Variants in RAP1GAP2 observed in about 807,000 individuals in gnomAD.
The protein encoded by RAP1GAP2 is rap1 GTPase-activating protein 2.
In RAP1GAP2, 27 loss-of-function variants were observed where a neutral mutation model predicts 95.0. The ratio of observed to expected loss-of-function variants is 0.28; its 90% CI spans 0.21 to 0.39. The LOEUF (loss-of-function observed/expected upper bound fraction) is 0.39, where lower values mean the gene tolerates loss of function less well. RAP1GAP2 is among the 10% of genes least tolerant of loss of function. The probability of loss-of-function intolerance (pLI) is 1.00; values close to 1 mark genes in which losing one functional copy is unlikely to be tolerated. For synonymous variants in RAP1GAP2, 373 were observed against 380.9 expected, an observed-to-expected ratio of 0.98 and a Z score of 0.24; for missense variants, 771 against 970.0, an observed-to-expected ratio of 0.79 and a Z score of 2.72.
chr17:2,966,930 G>C (rs721666), intron 8 of RAP1GAP2, among the ~76,000 whole-genome samples: 1 of 152,166 alleles, frequency 6.6e-6, no homozygotes, highest in Admixed American at 6.5e-5. Flanking sequence ...TGGAAATGCT[G>C]CTTCGGGGCT....
chr17:2,852,451 G>GCAGGTGAGAGTGTGGGAGCTAGTT (rs2071898745), intron 2 of RAP1GAP2, among the ~76,000 whole-genome samples: 1 of 152,182 alleles, frequency 6.6e-6, no homozygotes, highest in Non-Finnish European at 1.5e-5. Context: ...TCCAGTGCCA[G>GCAGGTGAGAGTGTGGGAGCTAGTT]CAGGAAGCTG....
intron 22 of RAP1GAP2, among the ~76,000 whole-genome samples, chr17:3,028,986 GAC>G: frequency 6.6e-6 from 1 of 152,202 alleles, no homozygotes; most frequent in South Asian, 2.1e-4. Flanking sequence ...TTTTAGTAGA[GAC>G]ACAGTTTCAC....
chr17:2,934,595 A>C (rs2043247959), intron 3 of RAP1GAP2, among the ~76,000 whole-genome samples: 1 of 152,208 alleles, frequency 6.6e-6, no homozygotes, highest in African/African-American at 2.4e-5. Context: ...CCCAAGAAAT[A>C]ATTACTGAGT....
chr17:2,805,754 A>ATGTGTG (rs71377539), intron 2 of RAP1GAP2, among the ~76,000 whole-genome samples: 9,835 of 150,258 alleles, frequency 0.065, 403 homozygotes, highest in Non-Finnish European at 0.098. Flanking sequence ...AGATGCGTGT[A>ATGTGTG]TGTGTGTGTG....
chr17:2,908,520 G>A (rs1458020921), intron 3 of RAP1GAP2, among the ~76,000 whole-genome samples: 1 of 152,076 alleles, frequency 6.6e-6, no homozygotes, highest in Non-Finnish European at 1.5e-5. Context: ...TGACTCGGAG[G>A]GGCCGGTGGG....
chr17:2,896,488 C>G (rs1026962348), intron 2 of RAP1GAP2, among the ~76,000 whole-genome samples: 3 of 152,154 alleles, frequency 2.0e-5, no homozygotes, highest in Non-Finnish European at 4.4e-5. Context: ...CTCTGTGACC[C>G]CAGGCTCACA....
At chr17:2,975,652 T>G (rs1025217128) in intron 8 of RAP1GAP2, among the ~76,000 whole-genome samples, 3 of 152,236 alleles carry the variant, frequency 2.0e-5, no homozygotes, top group Non-Finnish European at 2.9e-5. Context: ...GTAGCTGTGT[T>G]CCTTCCCCCT....
In RAP1GAP2 at chr17:2,867,562, A is replaced by G. The variant is rs1003474300; in HGVS notation, c.81-37722A>G. On this transcript the variant is annotated intron_variant, in intron 2 of 24. Transcript: ENST00000254695. The surrounding 1 kb of genome is among the most constrained non-coding windows in gnomAD (Gnocchi z 4.5). ...GTCCCAGGGATGGCTCACCCTGGAC[A>G]GAAAGTGAGTCACATACGCATCCCT... 1.3e-5 allele frequency among the ~76,000 whole-genome samples: 2 copies of G among 152,198 alleles called. No individual in the cohort carries two copies. The highest frequency in any genetic ancestry group is 6.5e-5 in the Admixed American group (1 of 15,274).
At chr17:2,858,213 G>A (rs751315345) in intron 2 of RAP1GAP2, among the ~76,000 whole-genome samples, 1 of 152,166 alleles carries the variant, frequency 6.6e-6, no homozygotes, top group Non-Finnish European at 1.5e-5. Context: ...ACTTCTTATG[G>A]TGGGTAGTTA....
At chr17:2,818,003 A>G (rs1245359375) in intron 2 of RAP1GAP2, among the ~76,000 whole-genome samples, 1 of 151,016 alleles carries the variant, frequency 6.6e-6, no homozygotes, top group Admixed American at 6.6e-5. Flanking sequence ...CGCCTGGCTA[A>G]TTTTTTGTAT....
At chr17:2,874,894 C>T (rs745921914) in intron 2 of RAP1GAP2, among the ~76,000 whole-genome samples, 42 of 152,168 alleles carry the variant, frequency 2.8e-4, no homozygotes, top group African/African-American at 2.2e-4. Flanking sequence ...GCCTCATACT[C>T]GCTTCTCAAA....
intron 2 of RAP1GAP2, among the ~76,000 whole-genome samples, chr17:2,829,218 A>G (rs2040059533): frequency 6.6e-6 from 1 of 152,082 alleles, no homozygotes; most frequent in Admixed American, 6.6e-5. Flanking sequence ...TCCTGACCTC[A>G]GGTGATCCAC....
chr17:2,791,235 G>C (rs1458116268), intron 1 of RAP1GAP2, among the ~76,000 whole-genome samples: 1 of 152,096 alleles, frequency 6.6e-6, no homozygotes, highest in Non-Finnish European at 1.5e-5. Context: ...CCATCGAACT[G>C]GGTGAGTTCC....
At chr17:2,905,245 C>T (rs1341588804) in intron 2 of RAP1GAP2, 39 bp from the exon 3 acceptor site, 1 of 1,582,426 alleles carries the variant, frequency 6.3e-7, no homozygotes, top group African/African-American at 1.3e-5. Context: ...AGGGAAGGCG[C>T]AGGCAGGTCC....
intron 2 of RAP1GAP2, among the ~76,000 whole-genome samples, chr17:2,868,765 T>A (rs57051682): frequency 1.3e-5 from 2 of 151,972 alleles, no homozygotes; most frequent in African/African-American, 4.8e-5. Flanking sequence ...GTGATCTGCC[T>A]GCCTTGGCCT....
chr17:2,885,538 C>G (rs1567742195), intron 2 of RAP1GAP2, among the ~76,000 whole-genome samples: 1 of 152,218 alleles, frequency 6.6e-6, no homozygotes, highest in Non-Finnish European at 1.5e-5. Flanking sequence ...CTACCCCCAC[C>G]AAGTCTCGCA....
At chr17:2,861,227 G>A (rs2072374267) in intron 2 of RAP1GAP2, among the ~76,000 whole-genome samples, 1 of 151,542 alleles carries the variant, frequency 6.6e-6, no homozygotes, top group African/African-American at 2.4e-5. Context: ...GCTTTACCCT[G>A]CTGTATTTCC....
Position 2,963,184 on chromosome 17 carries a change from G to A in RAP1GAP2, c.247-246G>A. On this transcript the variant is annotated intron_variant, in intron 5 of 24. Coordinates refer to ENST00000254695, the MANE Select transcript of RAP1GAP2 (RefSeq NM_015085.5). This position sits in a 1 kb window ranked among gnomAD's most constrained non-coding sequence, Gnocchi z 4.8. ...GGATGAGAAGCTGGTATCACGAGGG[G>A]TGAGAAGTTCAGCACCTTCGGACAC... The A allele has an allele frequency of 3.4e-6, 2 of 585,358 alleles. No individual in the cohort carries two copies. The highest frequency in any genetic ancestry group is 2.1e-5 in the South Asian group (1 of 48,290). The allele number at this position is 585,358 out of a possible 1,614,324, so 36.3% of individuals were successfully genotyped here. A position where few individuals can be genotyped will look rare whatever the true frequency, so the allele number is the denominator to read the frequency against.
chr17:2,981,439 C>T (rs2045353057), intron 10 of RAP1GAP2, among the ~76,000 whole-genome samples, 191 bp downstream of exon 10: 1 of 152,170 alleles, frequency 6.6e-6, no homozygotes, highest in Non-Finnish European at 1.5e-5. Context: ...CTCAGCCATG[C>T]CTAGGTCTCC....
Sources: allele counts gnomAD v4.1 joint callset (sites outside exome capture counted in the v4.1 genomes callset), GRCh38; gene constraint gnomAD v4.1.1; non-coding constraint Gnocchi (gnomAD v3.1); transcripts MANE v1.5; gene names NCBI Gene and HGNC (gene_info 2026-07-23, HGNC 2026-07-21).